NUCKS1: variants seen among roughly 807,000 people sequenced by gnomAD.
NUCKS1 encodes the protein nuclear casein kinase and cyclin dependent kinase substrate 1, also known as nuclear ubiquitous casein and cyclin-dependent kinase substrate 1.
A neutral mutation model predicts 33.0 loss-of-function variants in NUCKS1; 2 were observed. The ratio of observed to expected loss-of-function variants is 0.06; its 90% CI spans 0.02 to 0.19. The LOEUF (loss-of-function observed/expected upper bound fraction) is 0.19. Among genes scored for constraint, NUCKS1 ranks in the 10% least tolerant of loss-of-function variants. The probability of loss-of-function intolerance (pLI) is 1.00; values close to 1 mark genes in which losing one functional copy is unlikely to be tolerated. For missense variants in NUCKS1, 201 were observed against 293.6 expected (o/e 0.68, Z 2.31); for synonymous variants, 106 against 102.8 (o/e 1.03, Z -0.19).
intron 1 of NUCKS1, among the ~76,000 whole-genome samples, chr1:205,732,496 A>C (rs2102439418): frequency 6.6e-6 from 1 of 152,288 alleles, no homozygotes; most frequent in African/African-American, 2.4e-5. Flanking sequence ...AAAATGGTTA[A>C]CATGGGCCGG....
At chr1:205,742,525 TAAA>T (rs1654203537) in intron 1 of NUCKS1, among the ~76,000 whole-genome samples, 3 of 152,080 alleles carry the variant, frequency 2.0e-5, no homozygotes, top group African/African-American at 7.2e-5. Flanking sequence ...TGCTAAAAAA[TAAA>T]AGGTTTCCTC....
chr1:205,727,701 T>A lies in NUCKS1; in HGVS notation c.172A>T (p.Ser58Cys). The change falls in exon 3 of 7, where the codon AGT becomes TGT. Residue 58 changes from serine (S) to cysteine (C), a missense_variant and splice_region_variant. Transcript: ENST00000367142. ...GAACAGAAAAACAATGCCTCTTACC[T>A]ATCTTCCTGTGAATTCTTTCCAGAT... ...RRSGKNSQED[S>C]EDSEDKDVKT... The A allele has an allele frequency of 6.2e-7, 1 of 1,604,434 alleles. No individual in the cohort carries two copies. Among genetic ancestry groups the A allele is most frequent in the African/African-American group, 1.3e-5 (1 of 74,850 alleles).
chr1:205,718,544 C>T, intron 6 of NUCKS1, 65 bp from the exon 7 acceptor site: 14 of 1,578,874 alleles, frequency 8.9e-6, no homozygotes, highest in Non-Finnish European at 1.2e-5. Context: ...AAGTCAGCTA[C>T]AAAATACAAC....
intron 1 of NUCKS1, among the ~76,000 whole-genome samples, chr1:205,744,337 A>G (rs1180765439): frequency 1.3e-5 from 2 of 152,208 alleles, no homozygotes; most frequent in Non-Finnish European, 1.5e-5. Context: ...AACATATGAA[A>G]TGAGGATAAC....
At position 205,717,932 on chromosome 1, in the gene NUCKS1, C is replaced by T. The variant is rs756139640; in HGVS notation, c.*348G>A. Reference sequence around the variant, plus strand: ...GTTCATCTCAAATCTTATTGCTTTACAACCGTGGTACACCTTTCATTAAAA... The same window carrying T: ...GTTCATCTCAAATCTTATTGCTTTATAACCGTGGTACACCTTTCATTAAAA... On this transcript the variant is annotated 3_prime_UTR_variant, in exon 7 of 7. Coordinates refer to ENST00000367142, the MANE Select transcript of NUCKS1 (RefSeq NM_022731.5). 2 of 998,912 alleles carry T rather than the reference C, an allele frequency of 2.0e-6. No individual in the cohort carries two copies. The highest frequency in any genetic ancestry group is 1.2e-6 in the Non-Finnish European group (1 of 839,328). 61.9% of individuals were successfully genotyped at this position (998,912 alleles called of 1,614,324 possible).
intron 4 of NUCKS1, among the ~76,000 whole-genome samples, chr1:205,722,237 G>A (rs1671931450): frequency 1.3e-5 from 2 of 151,840 alleles, no homozygotes; most frequent in African/African-American, 2.4e-5. Flanking sequence ...AGCCATGCCC[G>A]GCTAATTTCT....
intron 1 of NUCKS1, among the ~76,000 whole-genome samples, chr1:205,742,769 G>A (rs1288446872): frequency 1.3e-5 from 2 of 152,186 alleles, no homozygotes; most frequent in Non-Finnish European, 2.9e-5. Context: ...AGCTTGCAGT[G>A]AGCCGAGATC....
intron 1 of NUCKS1, among the ~76,000 whole-genome samples, chr1:205,731,728 A>G (rs560208566): frequency 5.3e-5 from 8 of 152,136 alleles, no homozygotes; most frequent in African/African-American, 1.9e-4. Context: ...CGTCTCCACT[A>G]AAAATACTAA....
intron 1 of NUCKS1, among the ~76,000 whole-genome samples, chr1:205,747,775 GA>G: frequency 6.6e-6 from 1 of 152,206 alleles, no homozygotes; most frequent in Admixed American, 6.5e-5. Context: ...TGCACTAAGG[GA>G]ATATAGATTC....
At chr1:205,746,230 G>A (rs1335761681) in intron 1 of NUCKS1, among the ~76,000 whole-genome samples, 1 of 152,110 alleles carries the variant, frequency 6.6e-6, no homozygotes, top group East Asian at 1.9e-4. Context: ...GGGAGGTGGA[G>A]GTTGCAATGA....
rs371294108 is a variant in NUCKS1, at chr1:205,720,690, G to A, written c.230-37C>T. The A allele has an allele frequency of 4.9e-5, 76 of 1,558,174 alleles. No individual in the cohort carries two copies. In the African/African-American group the frequency reaches 7.8e-4, roughly 16 times the overall value. On this transcript the variant is annotated intron_variant, in intron 4 of 6. Transcript: ENST00000367142. ...GAATTACCATGATATAATGATTAAAGAATTTTATATTTGACAAGATAGTGC... is the reference window on the plus strand; with the variant it reads ...GAATTACCATGATATAATGATTAAAAAATTTTATATTTGACAAGATAGTGC...
intron 3 of NUCKS1, 58 bp downstream of exon 3, chr1:205,727,642 T>C (rs1653812294): frequency 9.1e-7 from 1 of 1,097,620 alleles, no homozygotes; most frequent in East Asian, 2.4e-5. Flanking sequence ...GATCAGAGAC[T>C]GCTCTCATCT....
intron 1 of NUCKS1, among the ~76,000 whole-genome samples, chr1:205,749,339 A>G (rs935603846): frequency 2.8e-4 from 42 of 152,116 alleles, no homozygotes; most frequent in East Asian, 5.8e-4. Context: ...GCCCGGGGGG[A>G]AAAAAACGGG....
Position 205,729,562 on chromosome 1 carries a change from C to A in NUCKS1, c.67+10G>T. 1 of 1,610,164 alleles carries A rather than the reference C, an allele frequency of 6.2e-7. No homozygotes were observed. Among genetic ancestry groups the A allele is most frequent in the Non-Finnish European group, 8.5e-7 (1 of 1,176,508 alleles). On this transcript the variant is annotated intron_variant, in intron 2 of 6. Transcript: ENST00000367142. ...TCCAACTTAAAATTTGTTGAAACCA[C>A]AAAACTTACCTGCATCATCAGATTC...
intron 1 of NUCKS1, chr1:205,731,219 T>C (rs1343598437): frequency 6.6e-6 from 1 of 152,156 alleles, no homozygotes; most frequent in African/African-American, 2.4e-5. Context: ...TTTACAGACC[T>C]GGTTTATCAG....
In NUCKS1 at chr1:205,745,526, T is replaced by C. The variant is rs866590276; in HGVS notation, c.17+4431A>G. ...TATCTCTGAAAATTATTTTAAATAT[T>C]GAGTTGAGCAAAAACGCTAAGTTAA... On this transcript the variant is annotated intron_variant, in intron 1 of 6. Transcript: ENST00000367142. 2.6e-5 allele frequency among the ~76,000 whole-genome samples: 4 copies of C among 152,038 alleles called. No individual in the cohort carries two copies. In the South Asian group the frequency reaches 8.3e-4, roughly 31 times the overall value.
chr1:205,731,161 AT>A (rs2102438190), intron 1 of NUCKS1: 1 of 152,304 alleles, frequency 6.6e-6, no homozygotes, highest in African/African-American at 2.4e-5. Flanking sequence ...ACATCTATGT[AT>A]TTGACTCTAT....
rs186208463 is a variant in NUCKS1, at chr1:205,734,068, G to A, written c.18-4447C>T. ...AACAATTTTTTTTTTTTGTAGAGAC[G>A]GGGCCTTTCTATGTTTCCCATGCTG... On this transcript the variant is annotated intron_variant, in intron 1 of 6. Transcript: ENST00000367142. Among the ~76,000 whole-genome samples, 111 of 151,504 alleles carry A rather than the reference G, an allele frequency of 7.3e-4. 1 individual carries two copies. The highest frequency in any genetic ancestry group is 6.5e-3 in the South Asian group (31 of 4,770).
Position 205,718,271 on chromosome 1 carries a change from T to C in NUCKS1, c.*9A>G, listed in dbSNP as rs1293022409. ...TTTAATAAAATCTCTCCCCAGACCA[T>C]CATCACTTTTAATCCTCCCCAGAAG... On this transcript the variant is annotated 3_prime_UTR_variant, in exon 7 of 7. Coordinates refer to ENST00000367142, the MANE Select transcript of NUCKS1 (RefSeq NM_022731.5). The C allele has an allele frequency of 6.3e-7, 1 of 1,599,186 alleles. No individual in the cohort carries two copies. Among genetic ancestry groups the C allele is most frequent in the East Asian group, 2.2e-5 (1 of 44,654 alleles).
Sources: gnomAD v4.1 joint callset for allele counts (sites outside exome capture counted in the v4.1 genomes callset) on GRCh38, gnomAD v4.1.1 for gene constraint, MANE v1.5 for transcripts, NCBI Gene and HGNC (gene_info 2026-07-23, HGNC 2026-07-21) for gene names.